The following DIP2B variants were observed in gnomAD, a reference collection of about 807,000 sequenced individuals.
The protein encoded by DIP2B is disco-interacting protein 2 homolog B.
Under a neutral mutation model 198.0 loss-of-function variants are expected in DIP2B, and 76 were observed. The ratio of observed to expected loss-of-function variants is 0.38; its 90% confidence interval spans 0.32 to 0.46. The LOEUF (loss-of-function observed/expected upper bound fraction) is 0.46, where lower values mean the gene tolerates loss of function less well. DIP2B is among the 20% of genes least tolerant of loss of function. The probability of loss-of-function intolerance (pLI) is 0.99; values close to 1 mark genes in which losing one functional copy is unlikely to be tolerated. For synonymous variants in DIP2B, 701 were observed against 739.1 expected (o/e 0.95, Z 0.84); for missense variants, 1,559 against 1,978.4 (o/e 0.79, Z 4.02).
intron 2 of DIP2B, among the ~76,000 whole-genome samples, chr12:50,637,252 A>G (rs1445988547): frequency 6.6e-6 from 1 of 152,182 alleles, no homozygotes; most frequent in Non-Finnish European, 1.5e-5. Context: ...TATTATTATC[A>G]TTGATATTCT....
At chr12:50,540,058 T>G (rs998389135) in intron 1 of DIP2B, among the ~76,000 whole-genome samples, 2 of 75,580 alleles carry the variant, frequency 2.6e-5, no homozygotes, top group South Asian at 4.9e-4. Context: ...TCTGTGTTTT[T>G]TTTTTTTTTT....
At chr12:50,585,379 A>C (rs1958761528) in intron 1 of DIP2B, among the ~76,000 whole-genome samples, 1 of 152,212 alleles carries the variant, frequency 6.6e-6, no homozygotes, top group Non-Finnish European at 1.5e-5. Context: ...TGCCTTGTAG[A>C]CAGATGAAGC....
At chr12:50,628,889 T>C (rs1219339560) in intron 2 of DIP2B, among the ~76,000 whole-genome samples, 7 of 152,172 alleles carry the variant, frequency 4.6e-5, no homozygotes, top group Non-Finnish European at 1.0e-4. Context: ...TCATTCTTGT[T>C]TTTGTTTTGA....
At chr12:50,689,578 T>C (rs1939187453) in intron 12 of DIP2B, among the ~76,000 whole-genome samples, 1 of 152,048 alleles carries the variant, frequency 6.6e-6, no homozygotes, top group Non-Finnish European at 1.5e-5. Context: ...CATCCTTCAC[T>C]AAGATAGAAA....
intron 2 of DIP2B, among the ~76,000 whole-genome samples, chr12:50,631,336 C>T (rs1391268682): frequency 6.6e-6 from 1 of 152,124 alleles, no homozygotes; most frequent in Non-Finnish European, 1.5e-5. Flanking sequence ...AAGCAATTCT[C>T]CTGCCTCAGC....
Position 50,741,290 on chromosome 12 carries a change from A to C in DIP2B, c.4355-126A>C, listed in dbSNP as rs1237511914. ...ATTCAGAGCCTTAAGGAATTTGCCC[A>C]GAGTTACACAGTTGGTAGGGGCAGA... is the stretch of plus-strand genomic sequence containing the variant. On this transcript the variant is annotated intron_variant, in intron 36 of 37. Transcript: ENST00000301180. The C allele has an allele frequency of 5.1e-6, 6 of 1,181,348 alleles. No homozygotes were observed. In the African/African-American group the frequency reaches 9.1e-5, roughly 18 times the overall value. 73.2% of individuals were successfully genotyped at this position (1,181,348 alleles called of 1,614,324 possible).
Position 50,660,195 on chromosome 12 carries a change from T to C in DIP2B, c.303T>C (p.Asp101=), listed in dbSNP as rs751068226. The change falls in exon 4 of 38, where the codon GAT becomes GAC. Residue 101 remains aspartate, a splice_region_variant and synonymous_variant. Coordinates refer to ENST00000301180, the MANE Select transcript of DIP2B (RefSeq NM_173602.3). ...AAATGCAAATGTTTGCTTTTTCAGA[T>C]ATCCACACAGAAGCAGTTCAGGCTG... ...GGARDERYRS[D]IHTEAVQAAL... 3.1e-6 allele frequency: 5 copies of C among 1,605,410 alleles called. No homozygotes were observed. The South Asian group carries it at 5.6e-5, about 18-fold the overall frequency.
At chr12:50,524,088 A>G (rs1958142624) in intron 1 of DIP2B, among the ~76,000 whole-genome samples, 1 of 152,186 alleles carries the variant, frequency 6.6e-6, no homozygotes, top group South Asian at 2.1e-4. Flanking sequence ...AATTGATAAC[A>G]CATCCTTGAT....
intron 1 of DIP2B, among the ~76,000 whole-genome samples, chr12:50,576,112 C>G (rs138688096): frequency 1.1e-4 from 16 of 151,428 alleles, no homozygotes; most frequent in African/African-American, 3.6e-4. Context: ...TCTTGTTGCC[C>G]AGGCTGGAGT....
chr12:50,550,581 C>G (rs1191971845), intron 1 of DIP2B, among the ~76,000 whole-genome samples: 1 of 152,136 alleles, frequency 6.6e-6, no homozygotes, highest in Non-Finnish European at 1.5e-5. Context: ...TGAAAATTAT[C>G]TTAAACAGAA....
At chr12:50,598,727 C>T (rs1329006211) in intron 1 of DIP2B, among the ~76,000 whole-genome samples, 2 of 38,912 alleles carry the variant, frequency 5.1e-5, no homozygotes, top group Non-Finnish European at 9.8e-5. Context: ...GATCCCCTTC[C>T]CTCCCCTCCC....
intron 1 of DIP2B, among the ~76,000 whole-genome samples, chr12:50,546,971 T>A (rs575304350): frequency 6.6e-6 from 1 of 152,360 alleles, no homozygotes; most frequent in East Asian, 1.9e-4. Flanking sequence ...CTGTATTTAC[T>A]ACTTTTCTGA....
intron 1 of DIP2B, among the ~76,000 whole-genome samples, chr12:50,535,444 G>A (rs911660878): frequency 2.0e-5 from 3 of 150,014 alleles, no homozygotes; most frequent in South Asian, 2.1e-4. Flanking sequence ...GAGGCTTACC[G>A]TAACCTCTGC....
At chr12:50,641,095 G>A (rs764636449) in intron 3 of DIP2B, among the ~76,000 whole-genome samples, 5 of 152,288 alleles carry the variant, frequency 3.3e-5, no homozygotes, top group East Asian at 1.9e-4. Flanking sequence ...TGTGGCTCAC[G>A]CCTGTAACCC....
At chr12:50,695,148 A>G in intron 14 of DIP2B, 119 bp from the exon 15 acceptor site, 1 of 698,810 alleles carries the variant, frequency 1.4e-6, no homozygotes, top group Non-Finnish European at 2.3e-6. Context: ...TTGTTTTCAA[A>G]GAGTGTGTAT....
intron 3 of DIP2B, among the ~76,000 whole-genome samples, chr12:50,652,072 T>G (rs1938465199): frequency 6.6e-6 from 1 of 151,848 alleles, no homozygotes; most frequent in African/African-American, 2.4e-5. Flanking sequence ...CCCGGCTGTT[T>G]GGAAGGCTGA....
chr12:50,524,683 G>T lies in DIP2B; in HGVS notation c.100+19443G>T, dbSNP rs377350673. Among the ~76,000 whole-genome samples, 16 of 152,186 alleles carry T rather than the reference G, an allele frequency of 1.1e-4. No individual in the cohort carries two copies. The East Asian group carries it at 1.2e-3, about 11-fold the overall frequency. On this transcript the variant is annotated intron_variant, in intron 1 of 37. Coordinates refer to ENST00000301180, the MANE Select transcript of DIP2B (RefSeq NM_173602.3). ...TGACAAACACCCCTCCCCTTAGGGG[G>T]CTTACATCTGTAGCTGTAGACAGAG... is the stretch of plus-strand genomic sequence containing the variant.
At chr12:50,636,384 A>AT (rs1938160237) in intron 2 of DIP2B, among the ~76,000 whole-genome samples, 1 of 152,106 alleles carries the variant, frequency 6.6e-6, no homozygotes, top group African/African-American at 2.4e-5. Context: ...TTCTGCTTTC[A>AT]TTTGTTTGGT....
intron 1 of DIP2B, among the ~76,000 whole-genome samples, chr12:50,508,178 A>G (rs912906313): frequency 2.6e-5 from 4 of 152,224 alleles, no homozygotes; most frequent in Non-Finnish European, 5.9e-5. Context: ...TCTGTCACAA[A>G]AAGAACAGGC....
Sources: gnomAD v4.1 joint callset for allele counts (sites outside exome capture counted in the v4.1 genomes callset) on GRCh38, gnomAD v4.1.1 for gene constraint, MANE v1.5 for transcripts, NCBI Gene and HGNC (gene_info 2026-07-23, HGNC 2026-07-21) for gene names.